The following FAM167A variants were observed in gnomAD, a reference collection of about 807,000 sequenced individuals.
FAM167A encodes the protein family with sequence similarity 167 member A.
FAM167A carries 23 observed loss-of-function variants against 14.9 expected under a neutral mutation model. The ratio of observed to expected loss-of-function variants is 1.55; its 90% confidence interval spans 1.11 to 2.19. The LOEUF (loss-of-function observed/expected upper bound fraction) is 2.19, where lower values mean the gene tolerates loss of function less well. FAM167A is among the 30% of genes most tolerant of loss of function. The pLI, the probability that FAM167A is intolerant of heterozygous loss-of-function variation, is 0.00. For missense variants in FAM167A, 401 were observed against 281.5 expected (o/e 1.42, Z -3.04); for synonymous variants, 174 against 117.7 (o/e 1.48, Z -3.10).
At chr8:11,459,052 C>A (rs577738864) in intron 1 of FAM167A, among the ~76,000 whole-genome samples, 23 of 152,236 alleles carry the variant, frequency 1.5e-4, no homozygotes, top group Non-Finnish European at 3.2e-4. Flanking sequence ...ATAAAATAAA[C>A]GCATGAATGA....
chr8:11,424,335 C>T lies in FAM167A; in HGVS notation c.*38G>A. 6.2e-7 allele frequency: 1 copy of T among 1,607,602 alleles called. No individual in the cohort carries two copies. Among genetic ancestry groups the T allele is most frequent in the Non-Finnish European group, 8.5e-7 (1 of 1,174,998 alleles). On this transcript the variant is annotated 3_prime_UTR_variant, in exon 3 of 3. Transcript: ENST00000284486. ...TCCTCTGACACCCCTCCAGCCCAAG[C>T]CCTCCGCTCCAGCCCCTCCGCCCAG...
chr8:11,422,096 T>G lies in FAM167A; in HGVS notation c.*2277A>C. On this transcript the variant is annotated 3_prime_UTR_variant, in exon 3 of 3. Coordinates refer to ENST00000284486, the MANE Select transcript of FAM167A (RefSeq NM_053279.3). ...TTTAACTTATCCCCAAACATGTGTC[T>G]TGATCTTAGTTTCCACCCAGAGAAT... is the stretch of plus-strand genomic sequence containing the variant. 1 of 325,636 alleles carries G rather than the reference T, an allele frequency of 3.1e-6. No individual in the cohort carries two copies. The highest frequency in any genetic ancestry group is 5.5e-6 in the Non-Finnish European group (1 of 180,672). The allele number at this position is 325,636 out of a possible 1,614,324, so 20.2% of individuals were successfully genotyped here.
At chr8:11,470,833 C>T (rs1005702960), upstream of FAM167A, among the ~76,000 whole-genome samples, 1 of 151,954 alleles carries the variant, frequency 6.6e-6, no homozygotes, top group Non-Finnish European at 1.5e-5. Context: ...ATCCGTGGGC[C>T]CAGAGTTTCA....
At chr8:11,430,977 T>G (rs1805540357) in intron 2 of FAM167A, among the ~76,000 whole-genome samples, 1 of 152,048 alleles carries the variant, frequency 6.6e-6, no homozygotes, top group South Asian at 2.1e-4. Context: ...ACAAAAGCCT[T>G]AAGAAAGGTG....
chr8:11,433,215 A>T (rs1805739973), intron 2 of FAM167A, among the ~76,000 whole-genome samples: 1 of 151,238 alleles, frequency 6.6e-6, no homozygotes, highest in Non-Finnish European at 1.5e-5. Flanking sequence ...AAAAAAAAAT[A>T]AAAAATAAAA....
At position 11,444,542 on chromosome 8, in the gene FAM167A, A is replaced by G. The variant is rs1806662778; in HGVS notation, c.-131T>C. 4 of 1,471,582 alleles carry G rather than the reference A, an allele frequency of 2.7e-6. No homozygotes were observed. The highest frequency in any genetic ancestry group is 2.8e-5 in the South Asian group (2 of 71,338). 91.2% of individuals were successfully genotyped at this position (1,471,582 alleles called of 1,614,324 possible). On this transcript the variant is annotated 5_prime_UTR_variant, in exon 2 of 3. Coordinates refer to ENST00000284486, the MANE Select transcript of FAM167A (RefSeq NM_053279.3). ...TGCCCGAGGGCATTTCCGGGACAGG[A>G]GCCGGCCTCAGAGGCTGGGTGGCAG...
At position 11,424,627 on chromosome 8, in the gene FAM167A, G is replaced by C. The variant is rs746960113; in HGVS notation, c.391C>G (p.Arg131Gly). The change falls in exon 3 of 3, where the codon CGG (arginine) becomes GGG (glycine). Residue 131 changes from arginine to glycine, a missense_variant. By Grantham distance (125) the Arg-to-Gly change is moderately radical. Transcript: ENST00000284486. The part of the protein sequence containing the change: ...AWLRKELTEM[R>G]LQDQQLARQL... ...CTGGCCAGTTGCTGGTCCTGCAGCC[G>C]CATCTCCGTCTGGAAGGGAGGGGGA... 3.5e-5 allele frequency: 57 copies of C among 1,613,466 alleles called. No homozygotes were observed. In the East Asian group the frequency reaches 9.8e-4, roughly 28 times the overall value.
chr8:11,439,605 C>T (rs922999182), intron 2 of FAM167A, among the ~76,000 whole-genome samples: 9 of 152,106 alleles, frequency 5.9e-5, no homozygotes, highest in South Asian at 2.1e-4. Context: ...CTCCTTGGTG[C>T]GGGGGGAGGG....
chr8:11,475,552 A>G (rs1797849896), intron 1 of FAM167A, among the ~76,000 whole-genome samples: 1 of 151,980 alleles, frequency 6.6e-6, no homozygotes, highest in African/African-American at 2.4e-5. Flanking sequence ...TTGAGATCCA[A>G]CCTTTTACAC....
At chr8:11,451,549 G>A (rs942743264) in intron 1 of FAM167A, among the ~76,000 whole-genome samples, 1 of 152,214 alleles carries the variant, frequency 6.6e-6, no homozygotes. Flanking sequence ...TGTGGAGGGA[G>A]CTCCCCATTT....
intron 1 of FAM167A, among the ~76,000 whole-genome samples, chr8:11,459,784 G>A (rs891033218): frequency 1.3e-5 from 2 of 152,126 alleles, no homozygotes; most frequent in African/African-American, 4.8e-5. Context: ...GCACGACCTC[G>A]GCTTACTGCA....
intron 2 of FAM167A, among the ~76,000 whole-genome samples, chr8:11,431,893 CAAAAAAAAAAAA>C (rs748615997): frequency 6.4e-5 from 1 of 15,640 alleles, no homozygotes; most frequent in African/African-American, 1.5e-4. Flanking sequence ...GACCAATTGG[CAAAAAAAAAAAA>C]AAAAAAAAAA....
chr8:11,443,840 G>T, intron 2 of FAM167A, 191 bp downstream of exon 2: 1 of 679,054 alleles, frequency 1.5e-6, no homozygotes, highest in Middle Eastern at 3.6e-4. Context: ...TGACACCTGG[G>T]TCCCCCCAGC....
At chr8:11,429,849 A>G (rs1204593346) in intron 2 of FAM167A, among the ~76,000 whole-genome samples, 1 of 152,216 alleles carries the variant, frequency 6.6e-6, no homozygotes, top group Non-Finnish European at 1.5e-5. Context: ...TACAGAAAAG[A>G]GATAAGGCCT....
chr8:11,462,310 G>C (rs548046287), intron 1 of FAM167A, among the ~76,000 whole-genome samples: 17 of 152,324 alleles, frequency 1.1e-4, no homozygotes, highest in African/African-American at 4.1e-4. Context: ...CTATGACCTT[G>C]ATCAACAGAT....
At chr8:11,463,056 G>C (rs1807601462) in intron 1 of FAM167A, among the ~76,000 whole-genome samples, 1 of 152,154 alleles carries the variant, frequency 6.6e-6, no homozygotes, top group African/African-American at 2.4e-5. Flanking sequence ...CCACAGGACA[G>C]GCTGTATGGA....
At chr8:11,456,183 T>A (rs1325962554) in intron 1 of FAM167A, among the ~76,000 whole-genome samples, 196 of 9,404 alleles carry the variant, frequency 0.021, 3 homozygotes, top group Non-Finnish European at 0.024. Flanking sequence ...TGTGTGTGTG[T>A]GTGAATGTGG....
intron 2 of FAM167A, among the ~76,000 whole-genome samples, chr8:11,435,593 G>A (rs531573342): frequency 1.3e-4 from 20 of 152,238 alleles, no homozygotes; most frequent in Non-Finnish European, 1.9e-4. Context: ...TCTGCTACCC[G>A]GGCTGACCGC....
chr8:11,456,231 G>A (rs1234584571), intron 1 of FAM167A, among the ~76,000 whole-genome samples: 2 of 145,738 alleles, frequency 1.4e-5, no homozygotes, highest in Non-Finnish European at 3.0e-5. Context: ...GAGTGAGTGT[G>A]GGGGGTGGTT....
Sources: allele counts gnomAD v4.1 joint callset (sites outside exome capture counted in the v4.1 genomes callset), GRCh38; gene constraint gnomAD v4.1.1; transcripts MANE v1.5; gene names NCBI Gene and HGNC (gene_info 2026-07-23, HGNC 2026-07-21).